Variants in PDE1C observed in about 807,000 individuals in gnomAD.
PDE1C encodes the protein dual specificity calcium/calmodulin-dependent 3',5'-cyclic nucleotide phosphodiesterase 1C.
A neutral mutation model predicts 93.1 loss-of-function variants in PDE1C; 62 were observed. The observed-to-expected ratio is 0.67, with a 90% CI of 0.54 to 0.82. The LOEUF is 0.82. Ranked by LOEUF, PDE1C falls within the 40% of genes least tolerant of loss-of-function variation. PDE1C has a pLI of 0.00. For synonymous variants in PDE1C, 325 were observed against 310.1 expected, an observed-to-expected ratio of 1.05 and a Z score of -0.50; for missense variants, 742 against 884.6, an observed-to-expected ratio of 0.84 and a Z score of 2.04.
chr7:32,359,052 G>C (rs1237571475), intron 1 of PDE1C, among the ~76,000 whole-genome samples: 1 of 152,096 alleles, frequency 6.6e-6, no homozygotes, highest in Non-Finnish European at 1.5e-5. Flanking sequence ...CCCCACCCTT[G>C]ATATCTGACG....
At chr7:31,822,757 A>C (rs1445979807) in intron 14 of PDE1C, among the ~76,000 whole-genome samples, 1 of 152,176 alleles carries the variant, frequency 6.6e-6, no homozygotes, top group Non-Finnish European at 1.5e-5. Context: ...GTGCCACATG[A>C]TATCAAGTGA....
At chr7:32,304,818 A>T (rs1030435045) in intron 1 of PDE1C, among the ~76,000 whole-genome samples, 3 of 152,172 alleles carry the variant, frequency 2.0e-5, no homozygotes, top group African/African-American at 7.2e-5. Flanking sequence ...AACCCATAGT[A>T]AACATTCAAT....
At chr7:31,883,785 G>A (rs976336399) in intron 2 of PDE1C, among the ~76,000 whole-genome samples, 3 of 152,208 alleles carry the variant, frequency 2.0e-5, no homozygotes, top group Non-Finnish European at 4.4e-5. Flanking sequence ...GTTCCAATGA[G>A]TAGCACTGAA....
At chr7:31,932,878 T>C (rs531731150) in intron 2 of PDE1C, among the ~76,000 whole-genome samples, 4 of 152,274 alleles carry the variant, frequency 2.6e-5, no homozygotes, top group Non-Finnish European at 4.4e-5. Context: ...TGGAATACTA[T>C]GCAGCCATAA....
intron 2 of PDE1C, among the ~76,000 whole-genome samples, chr7:31,881,621 G>T (rs1322482071): frequency 1.3e-5 from 2 of 152,094 alleles, no homozygotes; most frequent in Admixed American, 6.5e-5. Flanking sequence ...TTGGAGATTG[G>T]GCAACTCTTC....
At chr7:31,894,027 C>A (rs989885682) in intron 2 of PDE1C, among the ~76,000 whole-genome samples, 1 of 152,090 alleles carries the variant, frequency 6.6e-6, no homozygotes, top group Admixed American at 6.5e-5. Context: ...AAGAAGAATT[C>A]TTTTCCAATG....
chr7:32,087,202 A>C (rs946248903), intron 3 of PDE1C, among the ~76,000 whole-genome samples: 5 of 148,254 alleles, frequency 3.4e-5, no homozygotes, highest in African/African-American at 7.5e-5. Context: ...ATATGAATAG[A>C]GACTTCTCAA....
At chr7:32,123,285 A>G (rs1174918944) in intron 3 of PDE1C, among the ~76,000 whole-genome samples, 3 of 152,206 alleles carry the variant, frequency 2.0e-5, no homozygotes, top group Non-Finnish European at 4.4e-5. Context: ...GCAGAGGTAC[A>G]AAAAGGAGCT....
At chr7:32,025,386 G>A (rs546791566) in intron 2 of PDE1C, among the ~76,000 whole-genome samples, 1 of 152,072 alleles carries the variant, frequency 6.6e-6, no homozygotes, top group East Asian at 1.9e-4. Flanking sequence ...TGAGGGTAGG[G>A]GGATTAGCAG....
intron 2 of PDE1C, among the ~76,000 whole-genome samples, chr7:31,922,655 T>A (rs1006805965): frequency 3.9e-5 from 6 of 152,144 alleles, no homozygotes; most frequent in African/African-American, 9.7e-5. Flanking sequence ...AACAAAGTGA[T>A]TTGGGTGGAC....
At chr7:32,112,844 GTGTATA>G (rs1227165148) in intron 3 of PDE1C, among the ~76,000 whole-genome samples, 2,521 of 53,846 alleles carry the variant, frequency 0.047, 73 homozygotes, top group African/African-American at 0.17. Flanking sequence ...GTGTGTGTGT[GTGTATA>G]TATATATATA....
At chr7:32,094,942 A>G (rs1797672743) in intron 3 of PDE1C, among the ~76,000 whole-genome samples, 1 of 152,090 alleles carries the variant, frequency 6.6e-6, no homozygotes, top group African/African-American at 2.4e-5. Context: ...TCTGGCCTCT[A>G]GCTATACCTT....
chr7:31,823,094 A>C lies in PDE1C; in HGVS notation c.1561T>G (p.Trp521Gly). The change falls in exon 14 of 18, where the codon TGG becomes GGG. Residue 521 changes from tryptophan (W) to glycine (G), a missense_variant. This residue lies in a region of PDE1C where 454 missense variants were observed against 459.4 expected (regional missense o/e 0.99). Transcript: ENST00000396191. ...TTACCTTTGGGTACCTTGGCCCTCC[A>C]TCTCTCCCGATTGATGTGCACCACT... ...TEVVHINRER[W>G]RAKVPKEEKA... 6.2e-7 allele frequency: 1 copy of C among 1,611,958 alleles called. No individual in the cohort carries two copies. The highest frequency in any genetic ancestry group is 8.5e-7 in the Non-Finnish European group (1 of 1,178,878).
chr7:31,954,680 C>A (rs1047988291), intron 2 of PDE1C, among the ~76,000 whole-genome samples: 5 of 152,148 alleles, frequency 3.3e-5, no homozygotes, highest in Non-Finnish European at 5.9e-5. Flanking sequence ...TGGTTTATCA[C>A]ACAAAACCAC....
intron 1 of PDE1C, among the ~76,000 whole-genome samples, chr7:32,357,311 G>T: frequency 6.7e-6 from 1 of 148,790 alleles, no homozygotes; most frequent in African/African-American, 2.6e-5. Context: ...TCCAACCTGG[G>T]CAACAGAGCG....
chr7:32,106,056 G>C (rs1798293654), intron 3 of PDE1C, among the ~76,000 whole-genome samples: 1 of 152,076 alleles, frequency 6.6e-6, no homozygotes, highest in African/African-American at 2.4e-5. Flanking sequence ...CTGGTGCCCA[G>C]GCTGGAGTGC....
intron 3 of PDE1C, among the ~76,000 whole-genome samples, chr7:32,103,921 A>C (rs1398695805): frequency 2.0e-5 from 3 of 152,190 alleles, no homozygotes; most frequent in African/African-American, 7.2e-5. Flanking sequence ...AAAGTACATT[A>C]GAAGAAATAA....
the PDE1C span, among the ~76,000 whole-genome samples, chr7:31,720,160 A>G: frequency 8.8e-6 from 1 of 113,568 alleles, no homozygotes; most frequent in Admixed American, 1.1e-4. Context: ...ACAGAGCGAG[A>G]CTCCGTCTCA....
chr7:32,114,252 T>C (rs1264295416), intron 3 of PDE1C, among the ~76,000 whole-genome samples: 8 of 152,214 alleles, frequency 5.3e-5, no homozygotes, highest in East Asian at 1.9e-4. Context: ...CAAAACAATA[T>C]GGTACTGCTA....
Sources: allele counts gnomAD v4.1 joint callset (sites outside exome capture counted in the v4.1 genomes callset), GRCh38; gene constraint gnomAD v4.1.1; regional missense constraint gnomAD v4.1.1; transcripts MANE v1.5; gene names NCBI Gene and HGNC (gene_info 2026-07-23, HGNC 2026-07-21).